Variants in SMOC1 observed in about 807,000 individuals in gnomAD.
SMOC1 encodes SPARC-related modular calcium-binding protein 1.
In SMOC1, 22 loss-of-function variants were observed where a neutral mutation model predicts 56.3. That is an observed-to-expected ratio of 0.39 (90% CI 0.28 to 0.56). The LOEUF (loss-of-function observed/expected upper bound fraction) is 0.56. Among genes scored for constraint, SMOC1 ranks in the 20% least tolerant of loss-of-function variants. The pLI is 0.61. For missense variants in SMOC1, 509 were observed against 565.4 expected (o/e 0.90, Z 1.01); for synonymous variants, 193 against 215.0 (o/e 0.90, Z 0.89).
chr14:69,941,161 C>T lies in SMOC1; in HGVS notation c.100-10977C>T, dbSNP rs146409793. ...CATCCCGCCCTGCCCTACCTAGCCT[C>T]GTGGAAGTCCTGTAGGGCAGCGACA... On this transcript the variant is annotated intron_variant, in intron 1 of 11. Coordinates refer to ENST00000361956, the MANE Select transcript of SMOC1 (RefSeq NM_001034852.3). Among the ~76,000 whole-genome samples the T allele has an allele frequency of 5.3e-4, 80 of 152,274 alleles. 2 individuals are homozygous for T. In the East Asian group the frequency reaches 0.013, roughly 24 times the overall value.
intron 6 of SMOC1, 41 bp from the exon 7 acceptor site, chr14:69,994,359 C>G: frequency 6.6e-7 from 1 of 1,513,074 alleles, no homozygotes; most frequent in African/African-American, 1.4e-5. Flanking sequence ...CACATAGTCT[C>G]TTTGCCCAGA....
chr14:69,955,321 AC>A (rs1378076217), intron 3 of SMOC1, among the ~76,000 whole-genome samples: 1 of 152,094 alleles, frequency 6.6e-6, no homozygotes, highest in Non-Finnish European at 1.5e-5. Flanking sequence ...CTGGAGCCGG[AC>A]ACCTGGGCAC....
At position 70,010,855 on chromosome 14, in the gene SMOC1, C is replaced by T. The variant is rs777825487; in HGVS notation, c.766C>T (p.Leu256Phe). The change falls in exon 8 of 12, where the codon CTC becomes TTC. Residue 256 changes from leucine to phenylalanine, a missense_variant. By Grantham distance (22) the Leu-to-Phe change is conservative. Around this residue, in one of 3 missense-constraint regions of SMOC1, gnomAD observed 315 missense variants for 333.1 expected, o/e 0.95. Transcript: ENST00000361956. ...IVIPECAPGG[L>F]YKPVQCHQST... ...CATCCCTGAATGTGCCCCTGGGGGA[C>T]TCTATAAGCCAGTGCAATGCCACCA... is the stretch of plus-strand genomic sequence containing the variant. 4.3e-6 allele frequency: 7 copies of T among 1,614,140 alleles called. No homozygotes were observed. The highest frequency in any genetic ancestry group is 1.7e-4 in the Middle Eastern group (1 of 6,002).
chr14:69,969,129 T>C (rs1481737220), intron 3 of SMOC1, among the ~76,000 whole-genome samples: 1 of 152,084 alleles, frequency 6.6e-6, no homozygotes, highest in Admixed American at 6.6e-5. Context: ...AGTGAAAAAA[T>C]ACAGCAAGGC....
At chr14:69,944,322 A>C (rs1454162903) in intron 1 of SMOC1, among the ~76,000 whole-genome samples, 3 of 152,204 alleles carry the variant, frequency 2.0e-5, no homozygotes, top group Non-Finnish European at 4.4e-5. Flanking sequence ...GGAGTTCATC[A>C]GGTGGAAGCA....
intron 1 of SMOC1, among the ~76,000 whole-genome samples, chr14:69,914,533 C>G (rs1884633150): frequency 6.6e-6 from 1 of 152,070 alleles, no homozygotes; most frequent in Non-Finnish European, 1.5e-5. Context: ...TCAAAATGCT[C>G]CTTAACACCC....
rs79253476 is a variant in SMOC1 at position 69,895,208 on chromosome 14, C to T, written c.99+15431C>T. On this transcript the variant is annotated intron_variant, in intron 1 of 11. Transcript: ENST00000361956. Reference sequence around the variant, plus strand: ...ACCTCAGAACATGTGGAATCTTCCCCGTCCTTGCCACCTGACTATGCATGC... The same window carrying T: ...ACCTCAGAACATGTGGAATCTTCCCTGTCCTTGCCACCTGACTATGCATGC... Among the ~76,000 whole-genome samples, 187 of 152,320 alleles carry T rather than the reference C, an allele frequency of 1.2e-3. No homozygotes were observed. The East Asian group carries it at 0.026, about 21-fold the overall frequency.
At chr14:69,993,279 G>C (rs1884628978) in intron 6 of SMOC1, among the ~76,000 whole-genome samples, 2 of 152,152 alleles carry the variant, frequency 1.3e-5, no homozygotes, top group Non-Finnish European at 2.9e-5. Flanking sequence ...GAAGTCTCTG[G>C]AGGCATAGAG....
At chr14:69,966,446 A>G (rs1414167170) in intron 3 of SMOC1, among the ~76,000 whole-genome samples, 1 of 152,192 alleles carries the variant, frequency 6.6e-6, no homozygotes, top group Non-Finnish European at 1.5e-5. Context: ...TAACACTGAC[A>G]ATTAGGTACT....
chr14:70,027,820 A>G (rs1400658873), intron 11 of SMOC1, among the ~76,000 whole-genome samples: 1 of 152,222 alleles, frequency 6.6e-6, no homozygotes, highest in African/African-American at 2.4e-5. Context: ...AAGGCACAAA[A>G]GAAATTGGTA....
At chr14:69,921,555 C>T (rs1156642006) in intron 1 of SMOC1, among the ~76,000 whole-genome samples, 1 of 152,096 alleles carries the variant, frequency 6.6e-6, no homozygotes, top group African/African-American at 2.4e-5. Context: ...GTCCTGGGGC[C>T]TCACAGGTGA....
chr14:69,888,738 T>C (rs1444582461), intron 1 of SMOC1, among the ~76,000 whole-genome samples: 1 of 152,214 alleles, frequency 6.6e-6, no homozygotes, highest in African/African-American at 2.4e-5. Context: ...AGTGGTTTAT[T>C]TTTAGAACTA....
At chr14:69,933,363 G>T (rs542650619) in intron 1 of SMOC1, among the ~76,000 whole-genome samples, 1 of 136,820 alleles carries the variant, frequency 7.3e-6, no homozygotes, top group East Asian at 2.2e-4. Flanking sequence ...AAAAATGAAA[G>T]ACTTTTTTTT....
At chr14:69,902,426 T>TGGAC (rs1419624580) in intron 1 of SMOC1, among the ~76,000 whole-genome samples, 6 of 152,046 alleles carry the variant, frequency 3.9e-5, no homozygotes, top group Admixed American at 2.6e-4. Context: ...AGAGATGGGG[T>TGGAC]CTATTTCCAC....
chr14:69,965,377 A>AAAAAATAATAATAAT (rs1883530223), intron 3 of SMOC1, among the ~76,000 whole-genome samples: 1 of 113,880 alleles, frequency 8.8e-6, no homozygotes, highest in Non-Finnish European at 2.1e-5. Context: ...CAAGACTCTC[A>AAAAAATAATAATAAT]AATAATAATA....
chr14:70,011,200 C>G (rs758801614), intron 8 of SMOC1, among the ~76,000 whole-genome samples: 1 of 152,176 alleles, frequency 6.6e-6, no homozygotes, highest in Non-Finnish European at 1.5e-5. Flanking sequence ...AGATTATTGC[C>G]CTTTCTAAGC....
At chr14:70,001,263 TA>T (rs1430930965) in intron 7 of SMOC1, among the ~76,000 whole-genome samples, 2 of 152,138 alleles carry the variant, frequency 1.3e-5, no homozygotes, top group African/African-American at 4.8e-5. Context: ...CCAGACTTGC[TA>T]AGGGCCTTGT....
intron 6 of SMOC1, chr14:69,994,174 C>T (rs987209706): frequency 3.3e-6 from 2 of 605,268 alleles, no homozygotes; most frequent in Non-Finnish European, 5.9e-6. Context: ...ATTCTGACCA[C>T]TCTGCTTCCC....
chr14:70,017,164 TGGCACACATCAGAG>T (rs1443163872), intron 10 of SMOC1, among the ~76,000 whole-genome samples: 2 of 152,204 alleles, frequency 1.3e-5, no homozygotes, highest in African/African-American at 4.8e-5. Flanking sequence ...GACCTCTTTC[TGGCACACATCAGAG>T]GGTCAACCAA....
Sources: allele counts gnomAD v4.1 joint callset (sites outside exome capture counted in the v4.1 genomes callset), GRCh38; gene constraint gnomAD v4.1.1; regional missense constraint gnomAD v4.1.1; transcripts MANE v1.5; gene names NCBI Gene and HGNC (gene_info 2026-07-23, HGNC 2026-07-21).